The following ZNF331 variants were observed in gnomAD, a reference collection of about 807,000 sequenced individuals.
ZNF331 encodes zinc finger protein 331, also known as C2H2-like zinc finger protein rearranged in thyroid adenomas.
In ZNF331, 2 loss-of-function variants were observed where a neutral mutation model predicts 7.0. That is an observed-to-expected ratio of 0.29 (90% CI 0.12 to 0.90). The LOEUF (loss-of-function observed/expected upper bound fraction) is 0.90, where lower values mean the gene tolerates loss of function less well. Ranked by LOEUF, ZNF331 falls within the 40% of genes least tolerant of loss-of-function variation. The pLI, the probability that ZNF331 is intolerant of heterozygous loss-of-function variation, is 0.58. For missense variants in ZNF331, 432 were observed against 587.7 expected (o/e 0.74, Z 2.74); for synonymous variants, 196 against 205.4 (o/e 0.95, Z 0.39).
At chr19:53,507,764 T>C in the ZNF331 span, among the ~76,000 whole-genome samples, 14 of 152,182 alleles carry the variant, frequency 9.2e-5, no homozygotes, top group African/African-American at 3.1e-4. Context: ...TTTGGGAGGC[T>C]GAGGTAGGCG....
chr19:53,543,274 T>A (rs2088309589), intron 2 of ZNF331, among the ~76,000 whole-genome samples: 1 of 152,208 alleles, frequency 6.6e-6, no homozygotes, highest in Non-Finnish European at 1.5e-5. Context: ...TGAATTTTTT[T>A]ATTTTTTTGA....
At chr19:53,568,918 G>A (rs1388359148) in intron 3 of ZNF331, among the ~76,000 whole-genome samples, 27 of 136,050 alleles carry the variant, frequency 2.0e-4, no homozygotes, top group Admixed American at 4.9e-4. Context: ...GTGCAGTGAC[G>A]CAATCTCAGC....
At chr19:53,518,968 T>C (rs1248618481), upstream of ZNF331, among the ~76,000 whole-genome samples, 1 of 152,260 alleles carries the variant, frequency 6.6e-6, no homozygotes, top group Non-Finnish European at 1.5e-5. Flanking sequence ...TTTATATCCT[T>C]ATCTGGTTGG....
chr19:53,532,087 C>T (rs900932462), intron 2 of ZNF331, among the ~76,000 whole-genome samples: 4 of 152,110 alleles, frequency 2.6e-5, no homozygotes, highest in African/African-American at 9.7e-5. Flanking sequence ...ATAACATACC[C>T]TTCACCTTAC....
chr19:53,529,213 A>G (rs1284417752), intron 2 of ZNF331, among the ~76,000 whole-genome samples: 1 of 152,046 alleles, frequency 6.6e-6, no homozygotes, highest in South Asian at 2.1e-4. Flanking sequence ...CATCCTGGCT[A>G]ACACGGTGAA....
At chr19:53,572,561 CACACATATATATT>C (rs2090501244) in intron 5 of ZNF331, among the ~76,000 whole-genome samples, 1 of 103,874 alleles carries the variant, frequency 9.6e-6, no homozygotes, top group African/African-American at 4.5e-5. Context: ...TATATATACA[CACACATATATATT>C]ATATATACAC....
Position 53,580,063 on chromosome 19 carries a change from ATTAAAT to A in ZNF331, c.*2118_*2123del, listed in dbSNP as rs1402211321. 4 of 210,998 alleles carry A rather than the reference ATTAAAT, an allele frequency of 1.9e-5. No homozygotes were observed. The East Asian group carries it at 2.1e-4, about 11-fold the overall frequency. 13.1% of individuals were successfully genotyped at this position (210,998 alleles called of 1,614,324 possible). ...GTCACTCTAGACAGTCACCAGGATG[ATTAAAT>A]TTAAATCACAATAACAAGGCTGATT... On this transcript the variant is annotated 3_prime_UTR_variant, in exon 6 of 6. Coordinates refer to ENST00000449416, the MANE Select transcript of ZNF331 (RefSeq NM_001079906.2).
intron 3 of ZNF331, among the ~76,000 whole-genome samples, chr19:53,565,842 GA>G (rs796266862): frequency 3.5e-4 from 52 of 150,308 alleles, no homozygotes; most frequent in African/African-American, 1.2e-3. Flanking sequence ...GACTTTTTAA[GA>G]AAAAAAAAGA....
Position 53,577,798 on chromosome 19 carries a change from G to A in ZNF331, c.1238G>A (p.Cys413Tyr). 2 of 1,614,122 alleles carry A rather than the reference G, an allele frequency of 1.2e-6. No homozygotes were observed. Among genetic ancestry groups the A allele is most frequent in the South Asian group, 1.1e-5 (1 of 91,078 alleles). ...CATACCGGGGTGAAACCCTATGGGT[G>A]TACAGAATGTGGGAAGAGCTTTAGT... The part of the protein sequence containing the change: ...RIHTGVKPYG[C>Y]TECGKSFSHG... Residue 413 changes from cysteine to tyrosine, a missense_variant, in exon 6 of 6, where the codon TGT becomes TAT. This residue lies in a region of ZNF331 where 312 missense variants were observed against 448.6 expected (regional missense o/e 0.70). Coordinates refer to ENST00000449416, the MANE Select transcript of ZNF331 (RefSeq NM_001079906.2).
chr19:53,529,064 G>A (rs2087423015), intron 2 of ZNF331, among the ~76,000 whole-genome samples: 1 of 152,114 alleles, frequency 6.6e-6, no homozygotes, highest in Admixed American at 6.6e-5. Flanking sequence ...TGGGATTACA[G>A]GCATGAGCCA....
intron 5 of ZNF331, among the ~76,000 whole-genome samples, chr19:53,576,390 C>G (rs1300237646): frequency 6.6e-6 from 1 of 152,218 alleles, no homozygotes; most frequent in Non-Finnish European, 1.5e-5. Context: ...TACAGTACTT[C>G]TATATTTGGT....
chr19:53,573,239 C>A lies in ZNF331; in HGVS notation c.136+1509C>A, dbSNP rs550818908. Among the ~76,000 whole-genome samples the A allele has an allele frequency of 2.8e-4, 42 of 151,932 alleles. 1 individual carries two copies. In the South Asian group the frequency reaches 7.7e-3, roughly 28 times the overall value. On this transcript the variant is annotated intron_variant, in intron 5 of 5. Coordinates refer to ENST00000449416, the MANE Select transcript of ZNF331 (RefSeq NM_001079906.2). This position sits in a 1 kb window ranked among gnomAD's most constrained non-coding sequence, Gnocchi z 4.2. ...GTCTCAAAAATAATAAAAAATAAGG[C>A]CGGGTGCGGTGGCTCACTCCTGTGA...
At position 53,577,488 on chromosome 19, in the gene ZNF331, C is replaced by G; in HGVS notation, c.928C>G (p.Arg310Gly). The change falls in exon 6 of 6, where the codon CGA becomes GGA. Residue 310 changes from arginine to glycine, a missense_variant. Around this residue, in one of 3 missense-constraint regions of ZNF331, gnomAD observed 312 missense variants for 448.6 expected, o/e 0.70. Coordinates refer to ENST00000449416, the MANE Select transcript of ZNF331 (RefSeq NM_001079906.2). ...ECQECGKAFT[R>G]VNYLTQHQKI... Reference sequence around the variant, plus strand: ...TCAAGAATGTGGGAAGGCCTTTACTCGAGTCAATTACCTTACTCAGCATCA... The same window carrying G: ...TCAAGAATGTGGGAAGGCCTTTACTGGAGTCAATTACCTTACTCAGCATCA... 2 of 1,613,836 alleles carry G rather than the reference C, an allele frequency of 1.2e-6. No individual in the cohort carries two copies. Among genetic ancestry groups the G allele is most frequent in the African/African-American group, 1.3e-5 (1 of 74,940 alleles).
chr19:53,552,038 T>C (rs911554150), intron 2 of ZNF331, among the ~76,000 whole-genome samples: 1 of 152,104 alleles, frequency 6.6e-6, no homozygotes, highest in East Asian at 1.9e-4. Flanking sequence ...CAAGTAACAT[T>C]TCCATGATTA....
chr19:53,517,829 C>A (rs1257506735), upstream of ZNF331, among the ~76,000 whole-genome samples: 1 of 152,208 alleles, frequency 6.6e-6, no homozygotes, highest in Non-Finnish European at 1.5e-5. Context: ...AGCAAACCAC[C>A]AGTGGTCCAG....
chr19:53,505,716 G>A, the ZNF331 span, among the ~76,000 whole-genome samples: 1 of 152,198 alleles, frequency 6.6e-6, no homozygotes, highest in Non-Finnish European at 1.5e-5. Flanking sequence ...GCCGGGCGTG[G>A]TGGCTCACGC....
At chr19:53,508,196 G>C in the ZNF331 span, among the ~76,000 whole-genome samples, 1 of 152,184 alleles carries the variant, frequency 6.6e-6, no homozygotes, top group Non-Finnish European at 1.5e-5. Context: ...TGCAGGCCGG[G>C]CTTGTGGTTC....
intron 3 of ZNF331, 106 bp from the exon 4 acceptor site, chr19:53,569,196 TTA>T (rs1310752681): frequency 1.6e-6 from 1 of 615,974 alleles, no homozygotes; most frequent in African/African-American, 1.9e-5. Flanking sequence ...TATGTCACGG[TTA>T]TGTGTTTGTG....
intron 2 of ZNF331, among the ~76,000 whole-genome samples, chr19:53,549,146 C>T (rs908483594): frequency 6.6e-6 from 1 of 152,156 alleles, no homozygotes; most frequent in African/African-American, 2.4e-5. Context: ...CAGTTGCATT[C>T]TTCTGCATGC....
Sources: allele counts gnomAD v4.1 joint callset (sites outside exome capture counted in the v4.1 genomes callset), GRCh38; gene constraint gnomAD v4.1.1; regional missense constraint gnomAD v4.1.1; non-coding constraint Gnocchi (gnomAD v3.1); transcripts MANE v1.5; gene names NCBI Gene and HGNC (gene_info 2026-07-23, HGNC 2026-07-21).